CSF1: variants seen among roughly 807,000 people sequenced by gnomAD.
The protein encoded by CSF1 is macrophage colony-stimulating factor 1.
CSF1 carries 9 observed loss-of-function variants against 48.9 expected under a neutral mutation model. The observed-to-expected ratio is 0.18, with a 90% CI of 0.11 to 0.32. CSF1 has a LOEUF of 0.32. Ranked by LOEUF, CSF1 falls within the 10% of genes least tolerant of loss-of-function variation. The probability of loss-of-function intolerance (pLI) is 1.00; values close to 1 mark genes in which losing one functional copy is unlikely to be tolerated. For missense variants in CSF1, 672 were observed against 697.9 expected (o/e 0.96, Z 0.42); for synonymous variants, 305 against 284.1 (o/e 1.07, Z -0.74).
chr1:109,913,959 G>T (rs1229218196), intron 1 of CSF1, among the ~76,000 whole-genome samples: 1 of 152,230 alleles, frequency 6.6e-6, no homozygotes. Context: ...TAAAATTTAG[G>T]CTGGTAGGCA....
chr1:109,925,275 G>T, intron 8 of CSF1, 73 bp downstream of exon 8: 2 of 1,310,330 alleles, frequency 1.5e-6, no homozygotes, highest in South Asian at 2.4e-5. Flanking sequence ...ACCTGTTGGT[G>T]ACACCAATTC....
At chr1:109,924,891 C>G in intron 7 of CSF1, 63 bp downstream of exon 7, 1 of 1,512,570 alleles carries the variant, frequency 6.6e-7, no homozygotes, top group Non-Finnish European at 9.1e-7. Flanking sequence ...TGTTTCCCCT[C>G]TTCGTGGTGG....
At chr1:109,925,276 AC>A in intron 8 of CSF1, 74 bp downstream of exon 8, 2 of 1,301,984 alleles carry the variant, frequency 1.5e-6, no homozygotes, top group Non-Finnish European at 2.2e-6. Context: ...CCTGTTGGTG[AC>A]ACCAATTCCC....
At chr1:109,917,263 G>T (rs1013972451) in intron 3 of CSF1, 30 bp from the exon 4 acceptor site, 6 of 1,607,640 alleles carry the variant, frequency 3.7e-6, no homozygotes, top group Admixed American at 3.4e-5. Flanking sequence ...ACAATGGCCA[G>T]GCCATAAGCT....
chr1:109,928,275 C>T (rs969002929), intron 8 of CSF1, among the ~76,000 whole-genome samples: 1 of 152,186 alleles, frequency 6.6e-6, no homozygotes, highest in African/African-American at 2.4e-5. Flanking sequence ...TTAGGGGTCG[C>T]GTGCCAAATG....
chr1:109,923,186 T>G lies in CSF1; in HGVS notation c.565T>G (p.Cys189Gly), dbSNP rs1557736490. Residue 189 changes from cysteine (C) to glycine (G), a missense_variant, in exon 6 of 9, where the codon TGC (cysteine) becomes GGC (glycine). Coordinates refer to ENST00000329608, the MANE Select transcript of CSF1 (RefSeq NM_000757.6). ...SSQDVVTKPD[C>G]NCLYPKAIPS... ...TTCAGATGTGGTGACCAAGCCTGAT[T>G]GCAACTGCCTGTACCCCAAAGCCAT... 1 of 1,519,660 alleles carries G rather than the reference T, an allele frequency of 6.6e-7. No individual in the cohort carries two copies. 94.1% of individuals were successfully genotyped at this position (1,519,660 alleles called of 1,614,324 possible).
At chr1:109,920,829 G>A (rs1289302663) in intron 4 of CSF1, among the ~76,000 whole-genome samples, 1 of 152,190 alleles carries the variant, frequency 6.6e-6, no homozygotes, top group Non-Finnish European at 1.5e-5. Context: ...AGGTGGGCCC[G>A]GGAGTGAACC....
chr1:109,921,057 A>G (rs193214269), intron 4 of CSF1, among the ~76,000 whole-genome samples: 3 of 152,280 alleles, frequency 2.0e-5, no homozygotes, highest in Admixed American at 6.5e-5. Context: ...AAGGACCCAT[A>G]TGCCTGGCGG....
chr1:109,925,020 A>T lies in CSF1; in HGVS notation c.1623-127A>T, dbSNP rs975597484. 1.1e-4 allele frequency: 121 copies of T among 1,079,610 alleles called. 1 individual carries two copies. The East Asian group carries it at 2.7e-3, about 25-fold the overall frequency. 66.9% of individuals were successfully genotyped at this position (1,079,610 alleles called of 1,614,324 possible). A position where few individuals can be genotyped will look rare whatever the true frequency, so the allele number is the denominator to read the frequency against. On this transcript the variant is annotated intron_variant, in intron 7 of 8. Transcript: ENST00000329608. ...TTTCCTGATTTCTCCGTAGAGTTAG[A>T]CAGTTCTGGGTCTTTTCAATCTGAG...
At chr1:109,911,162 G>A (rs1406492485) in intron 1 of CSF1, 100 bp downstream of exon 1, 10 of 770,530 alleles carry the variant, frequency 1.3e-5, no homozygotes, top group Non-Finnish European at 1.6e-5. Context: ...GCCTGGGCGC[G>A]CCGGCTGCAC....
chr1:109,925,286 C>T, intron 8 of CSF1, 84 bp downstream of exon 8: 1 of 1,122,876 alleles, frequency 8.9e-7, no homozygotes, highest in Non-Finnish European at 1.4e-6. Context: ...ACACCAATTC[C>T]CCTGAGGCCC....
chr1:109,917,526 C>A, intron 4 of CSF1, 63 bp downstream of exon 4: 1 of 1,509,154 alleles, frequency 6.6e-7, no homozygotes, highest in Non-Finnish European at 9.1e-7. Context: ...AGGCGCCGCT[C>A]TATCCACAGG....
intron 6 of CSF1, 34 bp from the exon 7 acceptor site, chr1:109,924,742 A>C (rs1231865939): frequency 1.3e-6 from 2 of 1,557,518 alleles, no homozygotes; most frequent in Non-Finnish European, 8.7e-7. Flanking sequence ...ACACTCCCCC[A>C]GCTCCTCAGT....
chr1:109,928,024 G>T (rs1443669486), intron 8 of CSF1, among the ~76,000 whole-genome samples: 2 of 152,178 alleles, frequency 1.3e-5, no homozygotes, highest in Non-Finnish European at 2.9e-5. Context: ...CAGAGGCTGT[G>T]GTTCCATCTT....
At chr1:109,926,809 A>G (rs1288833656) in intron 8 of CSF1, 1 of 152,222 alleles carries the variant, frequency 6.6e-6, no homozygotes, top group African/African-American at 2.4e-5. Context: ...CCACATCCCT[A>G]AGATTGTAAG....
chr1:109,914,405 T>G, intron 2 of CSF1, 24 bp downstream of exon 2: 1 of 1,561,236 alleles, frequency 6.4e-7, no homozygotes, highest in Non-Finnish European at 8.7e-7. Flanking sequence ...CATGCTGTAT[T>G]CTACCTTCTC....
intron 5 of CSF1, 136 bp from the exon 6 acceptor site, chr1:109,923,030 C>T: frequency 1.2e-6 from 1 of 810,742 alleles, no homozygotes; most frequent in Non-Finnish European, 1.9e-6. Context: ...CTTCTCAGCC[C>T]CAGGGCTGAG....
Position 109,929,355 on chromosome 1 carries a change from C to T in CSF1, c.*517C>T, listed in dbSNP as rs1647973337. 6.5e-6 allele frequency: 1 copy of T among 152,798 alleles called. No individual in the cohort carries two copies. The highest frequency in any genetic ancestry group is 2.4e-5 in the African/African-American group (1 of 41,464). 9.5% of individuals were successfully genotyped at this position (152,798 alleles called of 1,614,324 possible). A position where few individuals can be genotyped will look rare whatever the true frequency, so the allele number is the denominator to read the frequency against. On this transcript the variant is annotated 3_prime_UTR_variant, in exon 9 of 9. Coordinates refer to ENST00000329608, the MANE Select transcript of CSF1 (RefSeq NM_000757.6). ...GTTCGTGGGGCGGGACAGCGTCGGC[C>T]TGATTTCCCGTAAAGGTGTGCAGCC...
chr1:109,918,866 G>A (rs1019461050), intron 4 of CSF1, among the ~76,000 whole-genome samples: 2 of 151,984 alleles, frequency 1.3e-5, no homozygotes, highest in African/African-American at 4.8e-5. Context: ...TGAAGCCATG[G>A]GACTGGACAG....
Sources: allele counts gnomAD v4.1 joint callset (sites outside exome capture counted in the v4.1 genomes callset), GRCh38; gene constraint gnomAD v4.1.1; transcripts MANE v1.5; gene names NCBI Gene and HGNC (gene_info 2026-07-23, HGNC 2026-07-21).